PARD3: variants seen among roughly 807,000 people sequenced by gnomAD.
PARD3 encodes the protein par-3 family cell polarity regulator.
PARD3 carries 75 observed loss-of-function variants against 155.4 expected under a neutral mutation model. The observed-to-expected ratio is 0.48, with a 90% confidence interval of 0.40 to 0.58. The LOEUF is 0.58. Ranked by LOEUF, PARD3 falls within the 20% of genes least tolerant of loss-of-function variation. PARD3 has a pLI of 0.00. For synonymous variants in PARD3, 576 were observed against 610.5 expected (o/e 0.94, Z 0.83); for missense variants, 1,642 against 1,721.7 (o/e 0.95, Z 0.82).
chr10:34,526,080 CAAAAAAAA>C (rs765686445), intron 2 of PARD3, among the ~76,000 whole-genome samples: 11 of 51,826 alleles, frequency 2.1e-4, no homozygotes, highest in African/African-American at 6.4e-4. Flanking sequence ...GACTCCGTAT[CAAAAAAAA>C]AAAAAAAAAA....
chr10:34,581,788 A>T (rs913788181), intron 2 of PARD3, among the ~76,000 whole-genome samples: 2 of 152,184 alleles, frequency 1.3e-5, no homozygotes, highest in African/African-American at 4.8e-5. Flanking sequence ...TGTGAGAGGC[A>T]GTCTGGGAAA....
chr10:34,671,438 G>A (rs978204231), intron 2 of PARD3, among the ~76,000 whole-genome samples: 2 of 152,038 alleles, frequency 1.3e-5, no homozygotes, highest in African/African-American at 4.8e-5. Context: ...AGGCCACAAC[G>A]TTGAAATCTT....
intron 2 of PARD3, among the ~76,000 whole-genome samples, chr10:34,607,465 T>C (rs1322546312): frequency 6.6e-6 from 1 of 152,094 alleles, no homozygotes; most frequent in Non-Finnish European, 1.5e-5. Context: ...CCTGGGATAG[T>C]GGGAGGGAAA....
rs60113552 is a variant in PARD3 at position 34,651,011 on chromosome 10, C to CAAAAAAAAAA, written c.222+45297_222+45306dup. Among the ~76,000 whole-genome samples the CAAAAAAAAAA allele has an allele frequency of 3.1e-4, 14 of 44,546 alleles. 2 individuals are homozygous for CAAAAAAAAAA. Among genetic ancestry groups the CAAAAAAAAAA allele is most frequent in the East Asian group, 2.1e-3 (2 of 940 alleles). 29.2% of individuals were successfully genotyped at this position (44,546 alleles called of 152,430 possible). On this transcript the variant is annotated intron_variant, in intron 2 of 24. Transcript: ENST00000374788. Reference sequence around the variant, plus strand: ...GGGCAACAAGAACGAAACTCTGTCTCAAAAAAAAAAAAAAAAAAAAAAAAA... The same window carrying CAAAAAAAAAA: ...GGGCAACAAGAACGAAACTCTGTCTCAAAAAAAAAAAAAAAAAAAAAAAAAAAAAAAAAAA...
At chr10:34,162,842 C>T (rs1298402545) in intron 22 of PARD3, among the ~76,000 whole-genome samples, 2 of 152,088 alleles carry the variant, frequency 1.3e-5, no homozygotes, top group Non-Finnish European at 2.9e-5. Context: ...ACCAGCCTGG[C>T]CACACACTTC....
At chr10:34,573,673 C>T (rs1352968135) in intron 2 of PARD3, among the ~76,000 whole-genome samples, 1 of 152,014 alleles carries the variant, frequency 6.6e-6, no homozygotes, top group Non-Finnish European at 1.5e-5. Flanking sequence ...TGCCACTGCA[C>T]TCCAGCCTGG....
chr10:34,344,392 C>G (rs1273323464), intron 15 of PARD3: 9 of 612,610 alleles, frequency 1.5e-5, no homozygotes, highest in Non-Finnish European at 1.8e-5. Context: ...AAGCAATTCT[C>G]CTGCCTCAGC....
chr10:34,790,231 G>A (rs981033906), intron 1 of PARD3, among the ~76,000 whole-genome samples: 2 of 152,180 alleles, frequency 1.3e-5, no homozygotes, highest in African/African-American at 4.8e-5. Flanking sequence ...AAATTGTAGA[G>A]TGTATGTGTT....
At chr10:34,130,991 T>C (rs1266348164) in intron 23 of PARD3, among the ~76,000 whole-genome samples, 1 of 152,056 alleles carries the variant, frequency 6.6e-6, no homozygotes, top group Non-Finnish European at 1.5e-5. Flanking sequence ...GCCTAGGAGT[T>C]TGGGGCTGCA....
chr10:34,543,961 A>G (rs542194985), intron 2 of PARD3, among the ~76,000 whole-genome samples: 1 of 152,326 alleles, frequency 6.6e-6, no homozygotes, highest in African/African-American at 2.4e-5. Context: ...AGAAAATTAC[A>G]TTAGTGAAGC....
chr10:34,575,639 T>C (rs973820426), intron 2 of PARD3, among the ~76,000 whole-genome samples: 3 of 152,188 alleles, frequency 2.0e-5, no homozygotes, highest in African/African-American at 7.2e-5. Flanking sequence ...CTCATGCCTG[T>C]AATCCCAGCA....
At chr10:34,762,209 A>C (rs192258395) in intron 1 of PARD3, among the ~76,000 whole-genome samples, 2 of 152,020 alleles carry the variant, frequency 1.3e-5, no homozygotes, top group Non-Finnish European at 2.9e-5. Context: ...CCACTTTACT[A>C]AACAGTTTAC....
chr10:34,489,334 A>G (rs2079717907), intron 3 of PARD3, among the ~76,000 whole-genome samples: 1 of 152,214 alleles, frequency 6.6e-6, no homozygotes, highest in Non-Finnish European at 1.5e-5. Context: ...TACACATGTG[A>G]ACACAGACTA....
intron 1 of PARD3, among the ~76,000 whole-genome samples, chr10:34,702,979 G>A (rs1412850152): frequency 6.6e-6 from 1 of 152,188 alleles, no homozygotes; most frequent in Non-Finnish European, 1.5e-5. Flanking sequence ...CCTGAGAGAG[G>A]TCAGATGGTG....
intron 1 of PARD3, among the ~76,000 whole-genome samples, chr10:34,785,440 T>C (rs921686848): frequency 6.8e-6 from 1 of 146,600 alleles, no homozygotes; most frequent in Non-Finnish European, 1.5e-5. Context: ...TGCATCATAC[T>C]TTTTTTTTTT....
At chr10:34,415,345 T>C (rs1845561455) in intron 5 of PARD3, among the ~76,000 whole-genome samples, 1 of 152,120 alleles carries the variant, frequency 6.6e-6, no homozygotes, top group Non-Finnish European at 1.5e-5. Flanking sequence ...GTGAATGAAG[T>C]AGTACTTGAG....
intron 2 of PARD3, among the ~76,000 whole-genome samples, chr10:34,669,149 T>C (rs1488077263): frequency 6.6e-6 from 1 of 152,160 alleles, no homozygotes; most frequent in Admixed American, 6.5e-5. Context: ...ATCAAAAAGA[T>C]ACCTGCACTC....
chr10:34,793,276 A>C (rs1011550769), intron 1 of PARD3, among the ~76,000 whole-genome samples: 12 of 152,204 alleles, frequency 7.9e-5, no homozygotes, highest in African/African-American at 2.9e-4. Flanking sequence ...ACTCACGAAC[A>C]CAAGGGAGCT....
At chr10:34,535,244 ATTC>A (rs987201659) in intron 2 of PARD3, among the ~76,000 whole-genome samples, 2 of 152,170 alleles carry the variant, frequency 1.3e-5, no homozygotes. Context: ...GAAAGAAGAA[ATTC>A]TTCTAACACA....
Sources: allele counts gnomAD v4.1 joint callset (sites outside exome capture counted in the v4.1 genomes callset), GRCh38; gene constraint gnomAD v4.1.1; transcripts MANE v1.5; gene names NCBI Gene and HGNC (gene_info 2026-07-23, HGNC 2026-07-21).